Variants in S100A8 observed in about 807,000 individuals in gnomAD.
The protein encoded by S100A8 is protein S100-A8.
In S100A8, 1 loss-of-function variant was observed where a neutral mutation model predicts 4.2. That is an observed-to-expected ratio of 0.24 (90% CI 0.08 to 1.12). S100A8 has a LOEUF of 1.12. S100A8 is among the 50% of genes most tolerant of loss of function. S100A8 has a pLI of 0.53. For synonymous variants in S100A8, 41 were observed against 44.7 expected (o/e 0.92, Z 0.33); for missense variants, 96 against 111.8 (o/e 0.86, Z 0.64).
the S100A8 span, among the ~76,000 whole-genome samples, chr1:153,400,785 CAATT>C: frequency 6.6e-6 from 1 of 152,168 alleles, no homozygotes; most frequent in Non-Finnish European, 1.5e-5. Flanking sequence ...TCTCCCAAAA[CAATT>C]AATTAAACAG....
At chr1:153,418,067 C>T in the S100A8 span, 2 of 1,613,366 alleles carry the variant, frequency 1.2e-6, no homozygotes, top group South Asian at 2.2e-5. Context: ...TTCCTGAAGG[C>T]TTTTTGAAAG....
the S100A8 span, among the ~76,000 whole-genome samples, chr1:153,397,938 C>A: frequency 2.0e-5 from 3 of 152,216 alleles, no homozygotes; most frequent in Non-Finnish European, 4.4e-5. Context: ...AGGGTCCGGG[C>A]CATCCTGGTA....
At chr1:153,391,018 C>T in intron 1 of S100A8, 23 bp downstream of exon 1, 2 of 988,668 alleles carry the variant, frequency 2.0e-6, no homozygotes, top group Non-Finnish European at 2.4e-6. Context: ...AAGTGCGGGG[C>T]CAACCCAGAC....
At chr1:153,418,146 G>A in the S100A8 span, 2,330 of 1,614,002 alleles carry the variant, frequency 1.4e-3, 16 homozygotes, top group African/African-American at 0.014. Flanking sequence ...CAAATACACC[G>A]GACGTGATGG....
the S100A8 span, among the ~76,000 whole-genome samples, chr1:153,414,290 T>C: frequency 6.6e-6 from 1 of 152,230 alleles, no homozygotes; most frequent in Non-Finnish European, 1.5e-5. Context: ...ATTTCTGCTT[T>C]GTGAAAGATA....
the S100A8 span, among the ~76,000 whole-genome samples, chr1:153,411,199 T>C: frequency 6.6e-6 from 1 of 152,360 alleles, no homozygotes; most frequent in South Asian, 2.1e-4. Flanking sequence ...TGTCCCTGTT[T>C]GCAGATGACA....
At chr1:153,406,351 C>T in the S100A8 span, among the ~76,000 whole-genome samples, 1 of 152,098 alleles carries the variant, frequency 6.6e-6, no homozygotes, top group African/African-American at 2.4e-5. Context: ...GATGATGGCT[C>T]TGCCTGGAGA....
At chr1:153,419,711 CAT>C in the S100A8 span, 2 of 170,490 alleles carry the variant, frequency 1.2e-5, no homozygotes, top group Admixed American at 1.2e-4. Context: ...AAGGAGCTGG[CAT>C]CTCTCAGTGT....
At chr1:153,392,133 C>T (rs1649912651), upstream of S100A8, among the ~76,000 whole-genome samples, 1 of 151,880 alleles carries the variant, frequency 6.6e-6, no homozygotes, top group East Asian at 1.9e-4. Flanking sequence ...TAAAAGAATC[C>T]CTACAACTCA....
chr1:153,404,889 C>G, the S100A8 span, among the ~76,000 whole-genome samples: 2 of 151,978 alleles, frequency 1.3e-5, no homozygotes, highest in Non-Finnish European at 1.5e-5. Context: ...GTACTGCCTC[C>G]GGCGACAACC....
chr1:153,406,319 C>T, the S100A8 span, among the ~76,000 whole-genome samples: 3 of 152,152 alleles, frequency 2.0e-5, no homozygotes, highest in African/African-American at 4.8e-5. Context: ...AGGGCTGTCA[C>T]TGAGACATGC....
At chr1:153,396,307 G>A in the S100A8 span, among the ~76,000 whole-genome samples, 43 of 152,240 alleles carry the variant, frequency 2.8e-4, no homozygotes, top group African/African-American at 9.4e-4. Flanking sequence ...GGGCTATTTC[G>A]TTGATCTAAA....
chr1:153,405,623 C>T, the S100A8 span, among the ~76,000 whole-genome samples: 3 of 152,196 alleles, frequency 2.0e-5, no homozygotes, highest in Non-Finnish European at 4.4e-5. Context: ...ATCCTCCCGG[C>T]GAGCTAGCCA....
the S100A8 span, among the ~76,000 whole-genome samples, chr1:153,414,894 A>G: frequency 6.6e-6 from 1 of 152,208 alleles, no homozygotes; most frequent in African/African-American, 2.4e-5. Context: ...GTACCCACTA[A>G]GAAATGTCTC....
the S100A8 span, among the ~76,000 whole-genome samples, chr1:153,401,931 C>A: frequency 1.8e-5 from 2 of 111,880 alleles, no homozygotes; most frequent in Non-Finnish European, 1.9e-5. Context: ...CCTTTTTTAT[C>A]TTTAGGATTA....
the S100A8 span, among the ~76,000 whole-genome samples, chr1:153,397,841 C>T: frequency 2.6e-5 from 4 of 152,186 alleles, no homozygotes; most frequent in Non-Finnish European, 5.9e-5. Flanking sequence ...TCACCTCGGC[C>T]CACCTTCCCC....
chr1:153,415,349 T>C, the S100A8 span, among the ~76,000 whole-genome samples: 1 of 152,030 alleles, frequency 6.6e-6, no homozygotes, highest in African/African-American at 2.4e-5. Context: ...TAGGGAGACA[T>C]CACATCAGCT....
chr1:153,393,839 C>T (rs370074685), upstream of S100A8, among the ~76,000 whole-genome samples: 1 of 152,218 alleles, frequency 6.6e-6, no homozygotes, highest in Non-Finnish European at 1.5e-5. Context: ...CCCTATTTGA[C>T]AGATGGGGAA....
At chr1:153,420,253 A>C in the S100A8 span, 1 of 152,176 alleles carries the variant, frequency 6.6e-6, no homozygotes, top group Non-Finnish European at 1.5e-5. Flanking sequence ...TGGGCTGAGG[A>C]TGCAGAAACA....
Sources: allele counts gnomAD v4.1 joint callset (sites outside exome capture counted in the v4.1 genomes callset), GRCh38; gene constraint gnomAD v4.1.1; transcripts MANE v1.5; gene names NCBI Gene and HGNC (gene_info 2026-07-23, HGNC 2026-07-21).